RORA: variants seen among roughly 807,000 people sequenced by gnomAD.
RORA encodes RAR related orphan receptor A.
Under a neutral mutation model 69.5 loss-of-function variants are expected in RORA, and 7 were observed. That is an observed-to-expected ratio of 0.10 (90% CI 0.06 to 0.19). The LOEUF is 0.19. Among genes scored for constraint, RORA ranks in the 10% least tolerant of loss-of-function variants. The probability of loss-of-function intolerance (pLI) is 1.00; values close to 1 mark genes in which losing one functional copy is unlikely to be tolerated. For missense variants in RORA, 457 were observed against 663.0 expected (o/e 0.69, Z 3.41); for synonymous variants, 261 against 240.8 (o/e 1.08, Z -0.78).
chr15:60,526,486 CAAAT>C (rs2066361442), intron 3 of RORA, among the ~76,000 whole-genome samples: 1 of 152,088 alleles, frequency 6.6e-6, no homozygotes, highest in Non-Finnish European at 1.5e-5. Context: ...TCTAAACAAA[CAAAT>C]AAAAAAAAAT....
intron 2 of RORA, among the ~76,000 whole-genome samples, chr15:60,542,696 G>A: frequency 7.3e-6 from 1 of 137,216 alleles, no homozygotes; most frequent in African/African-American, 3.0e-5. Flanking sequence ...CCCACACACG[G>A]CACACGGGCA....
chr15:60,886,050 C>T (rs906003083), intron 1 of RORA, among the ~76,000 whole-genome samples: 3 of 152,172 alleles, frequency 2.0e-5, no homozygotes, highest in Non-Finnish European at 2.9e-5. Flanking sequence ...GACATTTCCA[C>T]CTGACTGACT....
At chr15:61,206,196 C>T (rs2079939786) in intron 1 of RORA, among the ~76,000 whole-genome samples, 1 of 152,196 alleles carries the variant, frequency 6.6e-6, no homozygotes. Context: ...TCTTTGTAAC[C>T]TCAGCCCCTA....
At chr15:61,225,314 G>A (rs1231583119) in intron 1 of RORA, among the ~76,000 whole-genome samples, 2 of 152,098 alleles carry the variant, frequency 1.3e-5, no homozygotes, top group African/African-American at 2.4e-5. Context: ...GGCGAGCCGG[G>A]TCCATGTGAG....
intron 2 of RORA, among the ~76,000 whole-genome samples, chr15:60,604,163 A>G (rs1323228766): frequency 1.1e-4 from 17 of 149,994 alleles, no homozygotes; most frequent in Non-Finnish European, 1.2e-4. Flanking sequence ...AAGCACGAAC[A>G]TTAGAAAAAT....
intron 2 of RORA, among the ~76,000 whole-genome samples, chr15:60,579,297 CCCCGCA>C (rs1226622969): frequency 6.6e-6 from 1 of 152,088 alleles, no homozygotes. Flanking sequence ...GGCCTTGGGG[CCCCGCA>C]GGGGGTCCCT....
intron 2 of RORA, among the ~76,000 whole-genome samples, chr15:60,672,110 C>A (rs368859095): frequency 2.0e-5 from 3 of 152,264 alleles, no homozygotes; most frequent in East Asian, 3.9e-4. Flanking sequence ...AGTAAGAACG[C>A]TGTACAGTTT....
chr15:60,780,629 C>A (rs928142851), intron 1 of RORA, among the ~76,000 whole-genome samples: 2 of 151,970 alleles, frequency 1.3e-5, no homozygotes, highest in African/African-American at 4.8e-5. Flanking sequence ...TAGATGAGCA[C>A]AATGAGGGAT....
intron 1 of RORA, among the ~76,000 whole-genome samples, chr15:61,098,727 A>G (rs1184842811): frequency 6.6e-6 from 1 of 152,186 alleles, no homozygotes; most frequent in Non-Finnish European, 1.5e-5. Flanking sequence ...TCACCCTACA[A>G]ACAGGAAATA....
chr15:61,012,800 C>T (rs1895130065), intron 1 of RORA, among the ~76,000 whole-genome samples: 1 of 152,110 alleles, frequency 6.6e-6, no homozygotes, highest in African/African-American at 2.4e-5. Context: ...CAGGCACACA[C>T]CACCACACCT....
intron 2 of RORA, among the ~76,000 whole-genome samples, chr15:60,642,312 G>A (rs1234164627): frequency 6.6e-6 from 1 of 152,118 alleles, no homozygotes. Context: ...GTCAATTACT[G>A]GGACCAAATC....
At chr15:60,925,127 A>G (rs1308154536) in intron 1 of RORA, among the ~76,000 whole-genome samples, 1 of 139,648 alleles carries the variant, frequency 7.2e-6, no homozygotes, top group Non-Finnish European at 1.5e-5. Flanking sequence ...AAAATAAAAT[A>G]AAATAAAATA....
intron 1 of RORA, among the ~76,000 whole-genome samples, chr15:61,126,789 G>C (rs1040101649): frequency 1.3e-5 from 2 of 152,182 alleles, no homozygotes; most frequent in African/African-American, 4.8e-5. Context: ...AACTCCATGA[G>C]CCTGCGATCA....
At chr15:60,523,625 T>G (rs1183907393) in intron 3 of RORA, among the ~76,000 whole-genome samples, 6 of 152,186 alleles carry the variant, frequency 3.9e-5, no homozygotes, top group African/African-American at 1.2e-4. Context: ...TGGATAGGCA[T>G]TCACCCAAAG....
At chr15:60,679,547 G>C (rs1429463172) in intron 1 of RORA, among the ~76,000 whole-genome samples, 1 of 152,122 alleles carries the variant, frequency 6.6e-6, no homozygotes, top group Non-Finnish European at 1.5e-5. Flanking sequence ...TAGGCTCAAA[G>C]TCATAAAACT....
At chr15:60,628,920 G>A (rs781514322) in intron 2 of RORA, among the ~76,000 whole-genome samples, 8 of 152,180 alleles carry the variant, frequency 5.3e-5, no homozygotes, top group Non-Finnish European at 1.0e-4. Flanking sequence ...GAAAGGGGGT[G>A]GGTTTAGAGA....
chr15:61,059,607 A>T (rs74020834), intron 1 of RORA, among the ~76,000 whole-genome samples: 16,858 of 152,180 alleles, frequency 0.11, 1,161 homozygotes, highest in Admixed American at 0.18. Flanking sequence ...CTATCAACAG[A>T]ATCTTTCCTC....
rs2065168775 is a variant in RORA at position 60,496,405 on chromosome 15, T to C, written c.*1050A>G. ...TATTTAACTACTGAATTGTGTAAAA[T>C]GAGCTTCTCCTCCCCCTCGCCTCCA... On this transcript the variant is annotated 3_prime_UTR_variant, in exon 11 of 11. Coordinates refer to ENST00000335670, the MANE Select transcript of RORA (RefSeq NM_134261.3). The surrounding 1 kb of genome is among the most constrained non-coding windows in gnomAD (Gnocchi z 4.5). 6.6e-6 allele frequency: 1 copy of C among 151,944 alleles called. No individual in the cohort carries two copies. Among genetic ancestry groups the C allele is most frequent in the Admixed American group, 6.6e-5 (1 of 15,248 alleles). The allele number at this position is 151,944 out of a possible 1,614,324, so 9.4% of individuals were successfully genotyped here.
At chr15:60,654,222 G>A (rs1036136279) in intron 2 of RORA, among the ~76,000 whole-genome samples, 1 of 152,172 alleles carries the variant, frequency 6.6e-6, no homozygotes, top group African/African-American at 2.4e-5. Flanking sequence ...TAATGCAACT[G>A]TTTTGATTTG....
Sources: gnomAD v4.1 joint callset for allele counts (sites outside exome capture counted in the v4.1 genomes callset) on GRCh38, gnomAD v4.1.1 for gene constraint, Gnocchi (gnomAD v3.1) non-coding constraint, MANE v1.5 for transcripts, NCBI Gene and HGNC (gene_info 2026-07-23, HGNC 2026-07-21) for gene names.